Variants in CSMD2 observed in about 807,000 individuals in gnomAD.
The protein encoded by CSMD2 is CUB and sushi domain-containing protein 2.
A neutral mutation model predicts 398.5 loss-of-function variants in CSMD2; 130 were observed. The observed-to-expected ratio is 0.33, with a 90% CI of 0.28 to 0.38. The LOEUF is 0.38. CSMD2 is among the 10% of genes least tolerant of loss of function. The probability of loss-of-function intolerance (pLI) is 1.00; values close to 1 mark genes in which losing one functional copy is unlikely to be tolerated. For missense variants in CSMD2, 3,829 were observed against 4,764.9 expected (o/e 0.80, Z 5.78); for synonymous variants, 1,828 against 1,908.5 (o/e 0.96, Z 1.10).
intron 44 of CSMD2, chr1:33,600,548 C>T (rs192914994): frequency 3.1e-5 from 16 of 512,658 alleles, no homozygotes; most frequent in African/African-American, 2.7e-4. Context: ...AAGGGATAAG[C>T]TGGGGCACAG....
chr1:33,708,461 C>G (rs1393670552), intron 22 of CSMD2, among the ~76,000 whole-genome samples: 1 of 152,084 alleles, frequency 6.6e-6, no homozygotes, highest in Non-Finnish European at 1.5e-5. Flanking sequence ...GCATCTATAT[C>G]CATAAATACA....
At chr1:33,721,831 T>C (rs1421048219) in intron 19 of CSMD2, among the ~76,000 whole-genome samples, 1 of 152,254 alleles carries the variant, frequency 6.6e-6, no homozygotes, top group Non-Finnish European at 1.5e-5. Flanking sequence ...ATATTTTAGA[T>C]GTAATGTGTT....
chr1:33,830,974 AG>A (rs1333578160), intron 6 of CSMD2, among the ~76,000 whole-genome samples: 2 of 152,182 alleles, frequency 1.3e-5, no homozygotes, highest in Non-Finnish European at 2.9e-5. Context: ...AAGAATAAAA[AG>A]AAACGAACAA....
At chr1:33,822,381 G>A (rs1658256293) in intron 7 of CSMD2, among the ~76,000 whole-genome samples, 1 of 152,136 alleles carries the variant, frequency 6.6e-6, no homozygotes, top group Non-Finnish European at 1.5e-5. Context: ...CACTGAGGGA[G>A]TCTACAGTTA....
At chr1:34,137,478 G>A (rs1462843418) in intron 1 of CSMD2, among the ~76,000 whole-genome samples, 1 of 152,132 alleles carries the variant, frequency 6.6e-6, no homozygotes, top group Admixed American at 6.6e-5. Flanking sequence ...ACCAGTAAGA[G>A]TAAACACATC....
intron 19 of CSMD2, among the ~76,000 whole-genome samples, 182 bp from the exon 20 acceptor site, chr1:33,716,683 C>G (rs901772643): frequency 1.3e-5 from 2 of 152,186 alleles, no homozygotes; most frequent in African/African-American, 4.8e-5. Context: ...CACAAGTGCC[C>G]AGAGATTCAG....
chr1:33,573,019 C>G (rs1343022945), intron 49 of CSMD2, among the ~76,000 whole-genome samples: 1 of 144,970 alleles, frequency 6.9e-6, no homozygotes, highest in Non-Finnish European at 1.5e-5. Context: ...ACTCTCCAAA[C>G]GAAAGAGAGA....
intron 1 of CSMD2, among the ~76,000 whole-genome samples, chr1:34,149,849 TGCTGCAAAGGTA>T (rs925565090): frequency 1.3e-5 from 2 of 152,106 alleles, no homozygotes; most frequent in African/African-American, 4.8e-5. Context: ...GGGAAGGCGG[TGCTGCAAAGGTA>T]GCCCAGGTGT....
At chr1:33,914,196 A>G (rs1200168306) in intron 5 of CSMD2, among the ~76,000 whole-genome samples, 1 of 151,786 alleles carries the variant, frequency 6.6e-6, no homozygotes, top group Non-Finnish European at 1.5e-5. Flanking sequence ...GAGAAAGAAA[A>G]CCCACCACCC....
intron 5 of CSMD2, chr1:33,868,884 T>G (rs777908489): frequency 2.0e-5 from 3 of 152,196 alleles, no homozygotes; most frequent in Non-Finnish European, 4.4e-5. Flanking sequence ...GTCAGAAGTT[T>G]TCTGCGGAGC....
intron 2 of CSMD2, among the ~76,000 whole-genome samples, chr1:34,075,263 G>A (rs1656198160): frequency 6.6e-6 from 1 of 152,170 alleles, no homozygotes; most frequent in Admixed American, 6.5e-5. Context: ...GGTCCTCCCA[G>A]CCTCCTTCTG....
rs182379058 is a variant in CSMD2, at chr1:33,811,249, C to T, written c.1325-385G>A. On this transcript the variant is annotated intron_variant, in intron 9 of 70. Coordinates refer to ENST00000373381, the MANE Select transcript of CSMD2 (RefSeq NM_001281956.2). ...CACCTATGGACACCTAAGCAGCCCA[C>T]GCCTTACTCTGCTGACCTGTCTGTT... 8.5e-5 allele frequency among the ~76,000 whole-genome samples: 13 copies of T among 152,284 alleles called. No homozygotes were observed. In the East Asian group the frequency reaches 9.7e-4, roughly 11 times the overall value.
chr1:33,587,197 G>T (rs745964597), intron 44 of CSMD2, 29 bp from the exon 45 acceptor site: 32 of 1,518,098 alleles, frequency 2.1e-5, no homozygotes, highest in Non-Finnish European at 2.8e-5. Flanking sequence ...GCAAGTCAGG[G>T]TAAGATCATC....
intron 3 of CSMD2, among the ~76,000 whole-genome samples, chr1:33,993,297 A>G (rs1255674398): frequency 6.6e-6 from 1 of 152,204 alleles, no homozygotes; most frequent in Non-Finnish European, 1.5e-5. Flanking sequence ...AAAATATACT[A>G]TTAACATTTA....
At chr1:33,545,081 T>C (rs1432342589) in intron 57 of CSMD2, among the ~76,000 whole-genome samples, 2 of 152,272 alleles carry the variant, frequency 1.3e-5, no homozygotes, top group African/African-American at 4.8e-5. Context: ...TGCCTGGCCA[T>C]TACACACTTC....
chr1:33,676,449 G>A (rs1006486954), intron 25 of CSMD2, among the ~76,000 whole-genome samples: 2 of 152,114 alleles, frequency 1.3e-5, no homozygotes, highest in African/African-American at 4.8e-5. Context: ...ACTGCTCAAG[G>A]AAATAAAAGA....
At chr1:33,588,066 G>C (rs529450738) in intron 44 of CSMD2, among the ~76,000 whole-genome samples, 23 of 152,328 alleles carry the variant, frequency 1.5e-4, no homozygotes, top group Admixed American at 7.2e-4. Context: ...CCCTCTCAGA[G>C]ATAACGACTG....
chr1:33,590,981 CTT>C (rs11374822), intron 44 of CSMD2, among the ~76,000 whole-genome samples: 12,283 of 66,598 alleles, frequency 0.18, 343 homozygotes, highest in Non-Finnish European at 0.24. Flanking sequence ...TTTTATTTAT[CTT>C]TTTTTTTTTT....
At chr1:33,966,359 A>G (rs983591675) in intron 3 of CSMD2, among the ~76,000 whole-genome samples, 2 of 152,188 alleles carry the variant, frequency 1.3e-5, no homozygotes, top group African/African-American at 4.8e-5. Flanking sequence ...TAGATCTTTG[A>G]TCCAGGACGT....
Sources: gnomAD v4.1 joint callset for allele counts (sites outside exome capture counted in the v4.1 genomes callset) on GRCh38, gnomAD v4.1.1 for gene constraint, MANE v1.5 for transcripts, NCBI Gene and HGNC (gene_info 2026-07-23, HGNC 2026-07-21) for gene names.